The following TFEC variants were observed in gnomAD, a reference collection of about 807,000 sequenced individuals.
The protein encoded by TFEC is class E basic helix-loop-helix protein 34.
Under a neutral mutation model 41.6 loss-of-function variants are expected in TFEC, and 31 were observed. That is an observed-to-expected ratio of 0.74 (90% CI 0.56 to 1.01). The LOEUF (loss-of-function observed/expected upper bound fraction) is 1.01, where lower values mean the gene tolerates loss of function less well. Ranked by LOEUF, TFEC falls within the 50% of genes least tolerant of loss-of-function variation. The pLI is 0.00. For synonymous variants in TFEC, 143 were observed against 140.6 expected (o/e 1.02, Z -0.12); for missense variants, 402 against 404.1 (o/e 0.99, Z 0.04).
chr7:116,001,634 A>G (rs1314854777), intron 1 of TFEC, among the ~76,000 whole-genome samples: 1 of 152,214 alleles, frequency 6.6e-6, no homozygotes, highest in Non-Finnish European at 1.5e-5. Flanking sequence ...AACCAAAGCA[A>G]AAATGGACAA....
At position 115,947,589 on chromosome 7, in the gene TFEC, C is replaced by T. The variant is rs1468566262; in HGVS notation, c.515+3285G>A. On this transcript the variant is annotated intron_variant, in intron 6 of 7. Coordinates refer to ENST00000265440, the MANE Select transcript of TFEC (RefSeq NM_012252.4). The stretch of plus-strand genomic sequence containing the variant: ...CATCCTCTCCAGCACCTGTTGTTTC[C>T]TGACTTTTTAATGATTGCCATTCTA... 2.0e-5 allele frequency among the ~76,000 whole-genome samples: 3 copies of T among 151,346 alleles called. No individual in the cohort carries two copies. In the East Asian group the frequency reaches 5.9e-4, roughly 30 times the overall value.
At chr7:116,136,294 T>C (rs898888450) in intron 1 of TFEC, among the ~76,000 whole-genome samples, 1 of 152,016 alleles carries the variant, frequency 6.6e-6, no homozygotes, top group African/African-American at 2.4e-5. Flanking sequence ...AATTCAAAAG[T>C]ATTGTTTTAA....
intron 4 of TFEC, 45 bp from the exon 5 acceptor site, chr7:115,954,687 A>T (rs758167391): frequency 4.0e-6 from 6 of 1,485,284 alleles, no homozygotes; most frequent in Non-Finnish European, 5.6e-6. Context: ...GTTCTACCTT[A>T]AAACCCCTCC....
chr7:115,981,716 C>T (rs1011164867), intron 2 of TFEC, among the ~76,000 whole-genome samples: 1 of 152,088 alleles, frequency 6.6e-6, no homozygotes, highest in African/African-American at 2.4e-5. Context: ...AGATAACAGG[C>T]GCTAAGCCCA....
chr7:116,053,072 A>C (rs1796351126), intron 3 of TFEC, among the ~76,000 whole-genome samples: 1 of 151,670 alleles, frequency 6.6e-6, no homozygotes, highest in Admixed American at 6.6e-5. Context: ...ACTCCATTTA[A>C]AAAAAAAGAA....
At chr7:115,942,874 T>C (rs1793575444) in intron 6 of TFEC, among the ~76,000 whole-genome samples, 1 of 152,056 alleles carries the variant, frequency 6.6e-6, no homozygotes, top group African/African-American at 2.4e-5. Flanking sequence ...ATAATATGTT[T>C]GGAGAATGAG....
chr7:116,029,172 CTT>C (rs910291464), intron 1 of TFEC, among the ~76,000 whole-genome samples: 2 of 150,302 alleles, frequency 1.3e-5, no homozygotes, highest in African/African-American at 4.9e-5. Flanking sequence ...AAATTGAAAA[CTT>C]AAAAAAAAAG....
intron 2 of TFEC, among the ~76,000 whole-genome samples, chr7:115,983,055 G>A (rs752661083): frequency 6.6e-6 from 1 of 152,040 alleles, no homozygotes; most frequent in African/African-American, 2.4e-5. Context: ...AGTAGTTGTA[G>A]GATAAACTGT....
At chr7:116,116,610 G>A (rs902685428) in intron 1 of TFEC, among the ~76,000 whole-genome samples, 6 of 151,888 alleles carry the variant, frequency 4.0e-5, no homozygotes, top group African/African-American at 1.4e-4. Context: ...CATTTATTCA[G>A]CAAACATTTA....
chr7:116,077,154 G>T (rs780765397), intron 3 of TFEC, among the ~76,000 whole-genome samples: 2 of 152,094 alleles, frequency 1.3e-5, no homozygotes, highest in African/African-American at 2.4e-5. Flanking sequence ...TATCAGCCAA[G>T]AATTTTTTAT....
intron 1 of TFEC, among the ~76,000 whole-genome samples, chr7:116,114,648 G>A (rs1461836106): frequency 1.3e-5 from 2 of 151,896 alleles, no homozygotes; most frequent in Middle Eastern, 3.2e-3. Context: ...GGTCCCCACG[G>A]CATGCGAATC....
intron 1 of TFEC, among the ~76,000 whole-genome samples, chr7:115,999,837 C>A (rs1378174135): frequency 3.0e-5 from 3 of 99,550 alleles, no homozygotes; most frequent in Non-Finnish European, 6.4e-5. Context: ...CATAATAAGT[C>A]TCCTAGCAAA....
chr7:116,044,426 AC>A lies in TFEC; in HGVS notation c.199-59914del, dbSNP rs1041834753. ...AAGTATTACATGCTTTGAACATAACACTTAATTGTTTGAAATATTATTTCTT... is the reference window on the plus strand; with the variant it reads ...AAGTATTACATGCTTTGAACATAACATTAATTGTTTGAAATATTATTTCTT... On this transcript the variant is annotated intron_variant, in intron 3 of 8. Coordinates refer to the TFEC transcript ENST00000484212. Among the ~76,000 whole-genome samples the A allele has an allele frequency of 1.8e-4, 28 of 152,336 alleles. 1 individual carries two copies. Among genetic ancestry groups the A allele is most frequent in the African/African-American group, 6.7e-4 (28 of 41,580 alleles).
intron 5 of TFEC, among the ~76,000 whole-genome samples, chr7:115,953,485 G>A (rs549839507): frequency 6.6e-6 from 1 of 152,018 alleles, no homozygotes; most frequent in Non-Finnish European, 1.5e-5. Flanking sequence ...TGGATATACA[G>A]GACACCATGT....
At chr7:116,011,576 T>C (rs1381725662) in intron 1 of TFEC, among the ~76,000 whole-genome samples, 7 of 152,166 alleles carry the variant, frequency 4.6e-5, no homozygotes, top group Non-Finnish European at 4.4e-5. Flanking sequence ...ATTCTTTTAA[T>C]AAGAATTAAT....
intron 1 of TFEC, among the ~76,000 whole-genome samples, chr7:115,987,188 T>C (rs1015171292): frequency 6.6e-6 from 1 of 152,162 alleles, no homozygotes; most frequent in Non-Finnish European, 1.5e-5. Context: ...GGAAGCTATC[T>C]GTACAACATC....
chr7:116,036,450 G>A (rs988961770), intron 3 of TFEC, among the ~76,000 whole-genome samples: 4 of 152,034 alleles, frequency 2.6e-5, no homozygotes, highest in Non-Finnish European at 5.9e-5. Context: ...GAAACAAGCT[G>A]TCATTCACTG....
chr7:115,999,140 T>C (rs1226446060), intron 1 of TFEC, among the ~76,000 whole-genome samples: 6 of 151,990 alleles, frequency 3.9e-5, no homozygotes, highest in Admixed American at 3.9e-4. Flanking sequence ...ATGTCAAGTA[T>C]TTTCTCTGAC....
At chr7:116,111,176 T>C (rs544644427) in intron 2 of TFEC, among the ~76,000 whole-genome samples, 30 of 151,122 alleles carry the variant, frequency 2.0e-4, no homozygotes, top group Non-Finnish European at 3.5e-4. Context: ...TGGAGATTTG[T>C]GCCTGACTTT....
Sources: gnomAD v4.1 joint callset for allele counts (sites outside exome capture counted in the v4.1 genomes callset) on GRCh38, gnomAD v4.1.1 for gene constraint, MANE v1.5 for transcripts, NCBI Gene and HGNC (gene_info 2026-07-23, HGNC 2026-07-21) for gene names.